PCCB: variants seen among roughly 807,000 people sequenced by gnomAD.
PCCB encodes the protein propionyl-CoA carboxylase subunit beta, also known as propionyl-CoA carboxylase beta chain, mitochondrial.
PCCB carries 43 observed loss-of-function variants against 60.7 expected under a neutral mutation model. The observed-to-expected ratio is 0.71, with a 90% CI of 0.55 to 0.91. The LOEUF is 0.91. Among genes scored for constraint, PCCB ranks in the 40% least tolerant of loss-of-function variants. PCCB has a pLI of 0.00. For synonymous variants in PCCB, 276 were observed against 255.9 expected, an observed-to-expected ratio of 1.08 and a Z score of -0.75; for missense variants, 766 against 702.8, an observed-to-expected ratio of 1.09 and a Z score of -1.02.
chr3:136,272,874 G>A (rs539557693), intron 5 of PCCB, among the ~76,000 whole-genome samples: 4 of 151,950 alleles, frequency 2.6e-5, no homozygotes, highest in East Asian at 3.9e-4. Flanking sequence ...GGTTTAGTTC[G>A]TACCTGTTTC....
intron 5 of PCCB, among the ~76,000 whole-genome samples, chr3:136,268,087 G>GATATAGATATAGAT (rs1313121628): frequency 4.3e-5 from 4 of 93,796 alleles, no homozygotes; most frequent in African/African-American, 1.8e-4. Context: ...TGTGTGTGTA[G>GATATAGATATAGAT]ATATATATAT....
chr3:136,264,831 C>T (rs1313295192), intron 5 of PCCB, among the ~76,000 whole-genome samples: 4 of 141,740 alleles, frequency 2.8e-5, no homozygotes, highest in South Asian at 4.5e-4. Context: ...GCCAAGATTG[C>T]GCCACCGCGC....
intron 5 of PCCB, among the ~76,000 whole-genome samples, chr3:136,262,642 T>C (rs1002057373): frequency 8.5e-5 from 13 of 152,146 alleles, no homozygotes; most frequent in African/African-American, 2.9e-4. Flanking sequence ...AGTATATTTG[T>C]GAGAGATACA....
Position 136,289,035 on chromosome 3 carries a change from T to A in PCCB, c.655-4721T>A, listed in dbSNP as rs538662673. On this transcript the variant is annotated intron_variant, in intron 6 of 14. Transcript: ENST00000251654. ...CAGGCTAATTTTTATTTATTTTAAT[T>A]TTTGTAGAGATGGGGTCTTGCCATA... Among the ~76,000 whole-genome samples, 4 of 152,156 alleles carry A rather than the reference T, an allele frequency of 2.6e-5. No homozygotes were observed. In the East Asian group the frequency reaches 7.7e-4, roughly 29 times the overall value.
At position 136,302,842 on chromosome 3, in the gene PCCB, G is replaced by A. The variant is rs1046157115; in HGVS notation, c.966+1731G>A. On this transcript the variant is annotated intron_variant, in intron 9 of 14. Transcript: ENST00000251654. ...CTCATGCCTATAATCCCAATGCTTT[G>A]GGAGGCTAAGGCAGGAGGATCCTTT... Among the ~76,000 whole-genome samples the A allele has an allele frequency of 1.7e-5, 2 of 120,936 alleles. 1 individual carries two copies. The allele number at this position is 120,936 out of a possible 152,430, so 79.3% of individuals were successfully genotyped here. A position where few individuals can be genotyped will look rare whatever the true frequency, so the allele number is the denominator to read the frequency against.
intron 5 of PCCB, among the ~76,000 whole-genome samples, chr3:136,268,510 C>G (rs1942099307): frequency 6.8e-6 from 1 of 147,298 alleles, no homozygotes; most frequent in South Asian, 2.1e-4. Flanking sequence ...GTAGCCCAGG[C>G]TGGAGCACAG....
chr3:136,328,994 T>C (rs898609008), intron 14 of PCCB, 137 bp downstream of exon 14: 2 of 736,298 alleles, frequency 2.7e-6, no homozygotes, highest in African/African-American at 3.5e-5. Flanking sequence ...GGACTGTCCC[T>C]GGGCAGTCAT....
At chr3:136,322,050 G>T (rs981979353) in intron 10 of PCCB, among the ~76,000 whole-genome samples, 1 of 152,194 alleles carries the variant, frequency 6.6e-6, no homozygotes, top group East Asian at 1.9e-4. Context: ...TTTGGTCTTA[G>T]CAGGAAAACT....
intron 9 of PCCB, among the ~76,000 whole-genome samples, chr3:136,312,155 C>T (rs754285499): frequency 1.3e-4 from 20 of 152,196 alleles, no homozygotes; most frequent in Admixed American, 2.0e-4. Flanking sequence ...TACAGTCACG[C>T]GTTGCGTAAC....
Position 136,250,382 on chromosome 3 carries a change from G to A in PCCB, c.7G>A (p.Ala3Thr). 6.5e-7 allele frequency: 1 copy of A among 1,529,146 alleles called. No individual in the cohort carries two copies. The highest frequency in any genetic ancestry group is 1.2e-5 in the South Asian group (1 of 80,508). The allele number at this position is 1,529,146 out of a possible 1,614,324, so 94.7% of individuals were successfully genotyped here. MA[A>T]ALRVAAVGAR... ...ACGCGCCGGCACAGCAAAAATGGCG[G>A]CGGCATTACGGGTGGCGGCGGTCGG... Residue 3 changes from alanine (A) to threonine (T), a missense_variant, in exon 1 of 15, where the codon GCG becomes ACG. Transcript: ENST00000251654.
At chr3:136,288,837 G>A (rs984862529) in intron 6 of PCCB, among the ~76,000 whole-genome samples, 4 of 151,500 alleles carry the variant, frequency 2.6e-5, no homozygotes, top group African/African-American at 7.3e-5. Context: ...AGGTCTTGCT[G>A]TGTCGCCCAT....
chr3:136,291,096 C>T (rs1933668020), intron 6 of PCCB, among the ~76,000 whole-genome samples: 1 of 152,132 alleles, frequency 6.6e-6, no homozygotes, highest in African/African-American at 2.4e-5. Context: ...CATTGCTCAT[C>T]TGCTTGCTGT....
intron 9 of PCCB, among the ~76,000 whole-genome samples, chr3:136,311,539 T>C (rs1477924134): frequency 1.3e-5 from 2 of 152,040 alleles, no homozygotes; most frequent in Non-Finnish European, 2.9e-5. Context: ...GAATTCCTGC[T>C]ATGTTGCCCA....
intron 6 of PCCB, among the ~76,000 whole-genome samples, chr3:136,285,036 C>T (rs1220603156): frequency 2.0e-5 from 3 of 147,016 alleles, no homozygotes; most frequent in Non-Finnish European, 4.5e-5. Context: ...AGCAGTGAGC[C>T]AAGATCGTGC....
chr3:136,293,782 C>CATCCTA lies in PCCB; in HGVS notation c.681_682insATCCTA (p.Gly227_Pro228insIleLeu). 1 of 1,612,572 alleles carries CATCCTA rather than the reference C, an allele frequency of 6.2e-7. No individual in the cohort carries two copies. Among genetic ancestry groups the CATCCTA allele is most frequent in the South Asian group, 1.1e-5 (1 of 91,044 alleles). ...ACACCTCCTACCTGTTCATCACTGG[C>CATCCTA]CCTGATGTTGTGAAGTCTGTCACCA... On this transcript the variant is annotated inframe_insertion, in exon 7 of 15. Coordinates refer to ENST00000251654, the MANE Select transcript of PCCB (RefSeq NM_000532.5).
intron 10 of PCCB, among the ~76,000 whole-genome samples, chr3:136,320,049 G>A (rs930943157): frequency 5.3e-5 from 8 of 152,168 alleles, no homozygotes; most frequent in African/African-American, 1.9e-4. Flanking sequence ...ACACTATTCT[G>A]TTGGTCTGTA....
chr3:136,279,679 A>T (rs6796523), intron 5 of PCCB, among the ~76,000 whole-genome samples: 31,250 of 151,676 alleles, frequency 0.21, 3,452 homozygotes, highest in Non-Finnish European at 0.24. Flanking sequence ...TTATTTATTT[A>T]TTTTTTGAGA....
chr3:136,260,130 G>A (rs1941780370), intron 3 of PCCB: 1 of 392,634 alleles, frequency 2.5e-6, no homozygotes, highest in East Asian at 6.1e-5. Context: ...CTGGAATACA[G>A]TGGTGCTGTC....
At chr3:136,318,504 A>G (rs1026604197) in intron 10 of PCCB, among the ~76,000 whole-genome samples, 1 of 152,216 alleles carries the variant, frequency 6.6e-6, no homozygotes, top group Admixed American at 6.5e-5. Context: ...CACTGTTTCC[A>G]AACATTTTCA....
Sources: allele counts gnomAD v4.1 joint callset (sites outside exome capture counted in the v4.1 genomes callset), GRCh38; gene constraint gnomAD v4.1.1; transcripts MANE v1.5; gene names NCBI Gene and HGNC (gene_info 2026-07-23, HGNC 2026-07-21).